Variants in MMP9 observed in about 807,000 individuals in gnomAD.
The protein encoded by MMP9 is matrix metalloproteinase-9.
In MMP9, 73 loss-of-function variants were observed where a neutral mutation model predicts 76.4. The ratio of observed to expected loss-of-function variants is 0.96; its 90% CI spans 0.79 to 1.16. The LOEUF is 1.16. MMP9 is among the 50% of genes most tolerant of loss of function. The pLI is 0.00. For synonymous variants in MMP9, 412 were observed against 408.4 expected, an observed-to-expected ratio of 1.01 and a Z score of -0.11; for missense variants, 943 against 973.0, an observed-to-expected ratio of 0.97 and a Z score of 0.41.
Position 46,013,718 on chromosome 20 carries a change from G to A in MMP9, c.1672G>A (p.Asp558Asn), listed in dbSNP as rs759896847. 3.7e-5 allele frequency: 60 copies of A among 1,613,610 alleles called. 2 individuals are homozygous for A. In the South Asian group the frequency reaches 6.2e-4, roughly 17 times the overall value. Residue 558 changes from aspartate (D) to asparagine (N), a missense_variant, in exon 10 of 13, where the codon GAC (aspartate) becomes AAC (asparagine). Coordinates refer to ENST00000372330, the MANE Select transcript of MMP9 (RefSeq NM_004994.3). This position sits in a 1 kb window ranked among gnomAD's most constrained non-coding sequence, Gnocchi z 4.5. ...SRPQGPFLIA[D>N]KWPALPRKLD... Reference sequence around the variant, plus strand: ...GCCGCAGGGCCCCTTCCTTATCGCCGACAAGTGGCCCGCGCTGCCCCGCAA... The same window carrying A: ...GCCGCAGGGCCCCTTCCTTATCGCCAACAAGTGGCCCGCGCTGCCCCGCAA...
chr20:46,010,481 A>G lies in MMP9; in HGVS notation c.372-2A>G, dbSNP rs751916182. 5.6e-6 allele frequency: 9 copies of G among 1,613,976 alleles called. No individual in the cohort carries two copies. Among genetic ancestry groups the G allele is most frequent in the African/African-American group, 5.3e-5 (4 of 74,938 alleles). On this transcript the variant is annotated splice_acceptor_variant, in intron 2 of 12. Coordinates refer to ENST00000372330, the MANE Select transcript of MMP9 (RefSeq NM_004994.3). LOFTEE classifies it high-confidence loss of function. ...CTCCTTCCTCTGGCTCTTACGCTAC[A>G]GGATCCAAAACTACTCGGAAGACTT...
rs1467620220 is a variant in MMP9, at chr20:46,013,646, C to G, written c.1611-11C>G. On this transcript the variant is annotated splice_polypyrimidine_tract_variant and intron_variant, in intron 9 of 12. Coordinates refer to ENST00000372330, the MANE Select transcript of MMP9 (RefSeq NM_004994.3). This position sits in a 1 kb window ranked among gnomAD's most constrained non-coding sequence, Gnocchi z 4.5. ...GCTTAGAGCCCGTCCTTTCCCTCCTCGCTTTCTCAGGAAGTACTGGCGATT... is the reference window on the plus strand; with the variant it reads ...GCTTAGAGCCCGTCCTTTCCCTCCTGGCTTTCTCAGGAAGTACTGGCGATT... 1 of 1,614,012 alleles carries G rather than the reference C, an allele frequency of 6.2e-7. No individual in the cohort carries two copies. The highest frequency in any genetic ancestry group is 8.5e-7 in the Non-Finnish European group (1 of 1,179,990).
In MMP9 at chr20:46,011,568, CCCCAGGACTCTACA is replaced by C; in HGVS notation, c.827_840del (p.Leu276ArgfsTer4). On this transcript the variant is annotated splice_acceptor_variant and splice_polypyrimidine_tract_variant and coding_sequence_variant and intron_variant, in exon 6 of 13. Transcript: ENST00000372330. LOFTEE classifies it high-confidence loss of function. ...CTCCCCCTTTCCCACATCCTCCTCGCCCCAGGACTCTACACCCAGGACGGCAATGCTGATGGGAA... is the reference window on the plus strand; with the variant it reads ...CTCCCCCTTTCCCACATCCTCCTCGCCCCAGGACGGCAATGCTGATGGGAA... 1 of 1,614,090 alleles carries C rather than the reference CCCCAGGACTCTACA, an allele frequency of 6.2e-7. No homozygotes were observed. Among genetic ancestry groups the C allele is most frequent in the Non-Finnish European group, 8.5e-7 (1 of 1,179,990 alleles).
intron 12 of MMP9, among the ~76,000 whole-genome samples, chr20:46,015,464 T>C (rs1168380532): frequency 6.7e-6 from 1 of 149,434 alleles, no homozygotes; most frequent in Non-Finnish European, 1.5e-5. Context: ...TTTTTTTTTT[T>C]TTTTGAGATG....
At position 46,010,333 on chromosome 20, in the gene MMP9, A is replaced by AAAAAAAAAAAAAAAAAAAAAAAAAC. The variant is rs796972949; in HGVS notation, c.372-142_372-141insAAAAAAAAAAAAAAAACAAAAAAAA. Reference sequence around the variant, plus strand: ...GGGTCTAAGTAGACAAAAAAAAAAAAAAAAAAAACAGTCTGGAAGCAATTT... The same window carrying AAAAAAAAAAAAAAAAAAAAAAAAAC: ...GGGTCTAAGTAGACAAAAAAAAAAAAAAAAAAAAAAAAAAAAAAAAAAAACAAAAAAAACAGTCTGGAAGCAATTT... On this transcript the variant is annotated intron_variant, in intron 2 of 12. Coordinates refer to ENST00000372330, the MANE Select transcript of MMP9 (RefSeq NM_004994.3). The AAAAAAAAAAAAAAAAAAAAAAAAAC allele has an allele frequency of 3.4e-5, 28 of 828,902 alleles. 2 individuals carry two copies. In the African/African-American group the frequency reaches 5.8e-4, roughly 17 times the overall value. The allele number at this position is 828,902 out of a possible 1,614,324, so 51.3% of individuals were successfully genotyped here.
At chr20:46,010,762 C>T in intron 3 of MMP9, 131 bp downstream of exon 3, 3 of 1,546,334 alleles carry the variant, frequency 1.9e-6, no homozygotes, top group Non-Finnish European at 2.6e-6. Flanking sequence ...TTATACGGCC[C>T]CTCCTGCCAG....
chr20:46,012,951 C>T (rs1391854460), intron 8 of MMP9, among the ~76,000 whole-genome samples: 1 of 152,096 alleles, frequency 6.6e-6, no homozygotes, highest in Non-Finnish European at 1.5e-5. Flanking sequence ...ATGAGCAAGG[C>T]GTGAAGGCAC....
In MMP9 at chr20:46,011,201, C is replaced by A. The variant is rs1422956340; in HGVS notation, c.708C>A (p.Phe236Leu). The change falls in exon 5 of 13, where the codon TTC (phenylalanine) becomes TTA (leucine). Residue 236 changes from phenylalanine (F) to leucine (L), a missense_variant. Phe to Leu is a conservative substitution (Grantham distance 22). Coordinates refer to ENST00000372330, the MANE Select transcript of MMP9 (RefSeq NM_004994.3). ...DGAACHFPFI[F>L]EGRSYSACTT... ...CGGCCTGCCACTTCCCCTTCATCTT[C>A]GAGGGCCGCTCCTACTCTGCCTGCA... 2.5e-6 allele frequency: 4 copies of A among 1,614,004 alleles called. No homozygotes were observed. The highest frequency in any genetic ancestry group is 3.4e-6 in the Non-Finnish European group (4 of 1,180,064).
In MMP9 at chr20:46,011,739, C is replaced by T. The variant is rs201503729; in HGVS notation, c.989C>T (p.Pro330Leu). 1.9e-6 allele frequency: 3 copies of T among 1,611,526 alleles called. No individual in the cohort carries two copies. The highest frequency in any genetic ancestry group is 1.3e-5 in the African/African-American group (1 of 74,918). Reference sequence around the variant, plus strand: ...CGGGACAAGCTCTTCGGCTTCTGCCCGACCCGAGGTACCTCCACCCTGTCT... The same window carrying T: ...CGGGACAAGCTCTTCGGCTTCTGCCTGACCCGAGGTACCTCCACCCTGTCT... ...YDRDKLFGFC[P>L]TRADSTVMGG... Residue 330 changes from proline to leucine, a missense_variant, in exon 6 of 13, where the codon CCG becomes CTG. Coordinates refer to ENST00000372330, the MANE Select transcript of MMP9 (RefSeq NM_004994.3).
chr20:46,010,219 C>T (rs2084267240), intron 2 of MMP9, 121 bp downstream of exon 2: 3 of 980,880 alleles, frequency 3.1e-6, no homozygotes, highest in Non-Finnish European at 3.0e-6. Context: ...ATGTGTGGCC[C>T]CTGGGGAGTG....
chr20:46,014,355 CCG>C lies in MMP9; in HGVS notation c.1902-12_1902-11del, dbSNP rs1440955740. On this transcript the variant is annotated splice_polypyrimidine_tract_variant and intron_variant, in intron 11 of 12. Transcript: ENST00000372330. The stretch of plus-strand genomic sequence containing the variant: ...CTAGCCGGCTCAGCACCTGTCTCCT[CCG>C]CGCCTGCCCGCAGGTTCGACGTGAA... 2.6e-6 allele frequency: 4 copies of C among 1,545,944 alleles called. No homozygotes were observed. Among genetic ancestry groups the C allele is most frequent in the Middle Eastern group, 1.7e-4 (1 of 5,970 alleles).
chr20:46,013,779 A>G lies in MMP9; in HGVS notation c.1733A>G (p.Lys578Arg). ...GTCTTTGAGGAGCGGCTCTCCAAGA[A>G]GCTTTTCTTCTTCTCTGGTTAGTTA... ...DSVFEERLSK[K>R]LFFFSGRQVW... Residue 578 changes from lysine to arginine, a missense_variant, in exon 10 of 13, where the codon AAG becomes AGG. By Grantham distance (26) the Lys-to-Arg change is conservative. Coordinates refer to ENST00000372330, the MANE Select transcript of MMP9 (RefSeq NM_004994.3). The surrounding 1 kb of genome is among the most constrained non-coding windows in gnomAD (Gnocchi z 4.5). 1 of 1,613,060 alleles carries G rather than the reference A, an allele frequency of 6.2e-7. No homozygotes were observed. The highest frequency in any genetic ancestry group is 8.5e-7 in the Non-Finnish European group (1 of 1,179,986).
At chr20:46,011,910 C>T (rs1306832171) in intron 6 of MMP9, among the ~76,000 whole-genome samples, 163 bp downstream of exon 6, 2 of 152,236 alleles carry the variant, frequency 1.3e-5, no homozygotes, top group Non-Finnish European at 2.9e-5. Context: ...CTATCCCTGA[C>T]TTCCAATGGC....
chr20:46,011,420 C>A, intron 5 of MMP9, 104 bp downstream of exon 5: 1 of 1,568,636 alleles, frequency 6.4e-7, no homozygotes, highest in Non-Finnish European at 8.7e-7. Context: ...TGCAATTCAC[C>A]CTCCCGCACT....
At chr20:46,010,686 G>T in intron 3 of MMP9, 55 bp downstream of exon 3, 1 of 1,577,806 alleles carries the variant, frequency 6.3e-7, no homozygotes, top group East Asian at 2.3e-5. Flanking sequence ...AGGGAAGGGA[G>T]GACCACGGAG....
At chr20:46,012,341 T>TG (rs2145454190) in intron 7 of MMP9, 28 bp downstream of exon 7, 7 of 1,612,518 alleles carry the variant, frequency 4.3e-6, no homozygotes, top group Middle Eastern at 1.6e-4. Context: ...GCTCCGGGGC[T>TG]GGGGTTCCCG....
chr20:46,013,388 C>T lies in MMP9; in HGVS notation c.1464C>T (p.Pro488=), dbSNP rs768262363. 1 of 1,612,306 alleles carries T rather than the reference C, an allele frequency of 6.2e-7. No individual in the cohort carries two copies. The highest frequency in any genetic ancestry group is 1.3e-5 in the African/African-American group (1 of 74,824). ...GCCCCACAGCTGGCCCCACAGGTCC[C>T]CCCTCAGCTGGCCCCACAGGTCCCC... ...SERPTAGPTG[P]PSAGPTGPPT... The change falls in exon 9 of 13, where the codon CCC becomes CCT. Residue 488 remains proline, a synonymous_variant. Transcript: ENST00000372330. This position sits in a 1 kb window ranked among gnomAD's most constrained non-coding sequence, Gnocchi z 4.5.
In MMP9 at chr20:46,012,532, A is replaced by AG. The variant is rs769764616; in HGVS notation, c.1284dup (p.Pro429AlafsTer5). The AG allele has an allele frequency of 5.8e-5, 94 of 1,613,808 alleles. No homozygotes were observed. The highest frequency in any genetic ancestry group is 1.7e-5 in the Admixed American group (1 of 59,986). ...ATGTACCCTATGTACCGCTTCACTG[A>AG]GGGGCCCCCCTTGCATAAGGACGAC... On this transcript the variant is annotated frameshift_variant, in exon 8 of 13. Transcript: ENST00000372330. LOFTEE classifies it high-confidence loss of function.
rs200375269 is a variant in MMP9, at chr20:46,013,741, C to G, written c.1695C>G (p.Arg565=). 6 of 1,613,782 alleles carry G rather than the reference C, an allele frequency of 3.7e-6. No individual in the cohort carries two copies. The highest frequency in any genetic ancestry group is 5.1e-6 in the Non-Finnish European group (6 of 1,180,002). The change falls in exon 10 of 13, where the codon CGC becomes CGG. Residue 565 remains arginine, a synonymous_variant. Coordinates refer to ENST00000372330, the MANE Select transcript of MMP9 (RefSeq NM_004994.3). This position sits in a 1 kb window ranked among gnomAD's most constrained non-coding sequence, Gnocchi z 4.5. The part of the protein sequence containing the change: ...LIADKWPALP[R]KLDSVFEERL... The stretch of plus-strand genomic sequence containing the variant: ...CCGACAAGTGGCCCGCGCTGCCCCG[C>G]AAGCTGGACTCGGTCTTTGAGGAGC...
Sources: allele counts gnomAD v4.1 joint callset (sites outside exome capture counted in the v4.1 genomes callset), GRCh38; gene constraint gnomAD v4.1.1; non-coding constraint Gnocchi (gnomAD v3.1); transcripts MANE v1.5; gene names NCBI Gene and HGNC (gene_info 2026-07-23, HGNC 2026-07-21).